Variants in MGAM observed in about 807,000 individuals in gnomAD.
MGAM encodes maltase-glucoamylase, also known as alpha-1,4-glucosidase.
Under a neutral mutation model 358.8 loss-of-function variants are expected in MGAM, and 253 were observed. The observed-to-expected ratio is 0.71, with a 90% CI of 0.64 to 0.78. MGAM has a LOEUF of 0.78. Ranked by LOEUF, MGAM falls within the 30% of genes least tolerant of loss-of-function variation. MGAM has a pLI of 0.00. For synonymous variants in MGAM, 1,105 were observed against 1,227.1 expected, an observed-to-expected ratio of 0.90 and a Z score of 2.08; for missense variants, 3,080 against 3,432.6, an observed-to-expected ratio of 0.90 and a Z score of 2.57.
chr7:142,060,245 T>C (rs966871214), intron 33 of MGAM, 66 bp from the exon 34 acceptor site: 1 of 1,583,010 alleles, frequency 6.3e-7, no homozygotes, highest in African/African-American at 1.3e-5. Flanking sequence ...TATAACAATT[T>C]ATTAGGAAAT....
intron 36 of MGAM, among the ~76,000 whole-genome samples, chr7:142,064,106 G>GC (rs1363276371): frequency 6.6e-6 from 1 of 152,260 alleles, no homozygotes; most frequent in South Asian, 2.1e-4. Flanking sequence ...GAAATAATTG[G>GC]AAGTCAAAAG....
rs1554458818 is a variant in MGAM, at chr7:142,021,576, C to T, written c.559-10C>T. On this transcript the variant is annotated splice_polypyrimidine_tract_variant and intron_variant, in intron 5 of 70. Transcript: ENST00000475668. ...ATTTTGGCTTTCCTTCTATTTCTAT[C>T]TCTGCACAGTTGACTGACCAAACCA... is the stretch of plus-strand genomic sequence containing the variant. 2 of 1,613,302 alleles carry T rather than the reference C, an allele frequency of 1.2e-6. No homozygotes were observed. Among genetic ancestry groups the T allele is most frequent in the Middle Eastern group, 1.7e-4 (1 of 6,054 alleles).
intron 8 of MGAM, among the ~76,000 whole-genome samples, chr7:142,026,550 A>G (rs1397542768): frequency 1.3e-5 from 2 of 152,206 alleles, no homozygotes; most frequent in South Asian, 2.1e-4. Flanking sequence ...GAATGGGGAA[A>G]GACACTTAGG....
intron 56 of MGAM, 36 bp downstream of exon 56, chr7:142,086,364 C>A: frequency 6.9e-7 from 1 of 1,452,418 alleles, no homozygotes; most frequent in East Asian, 2.4e-5. Context: ...AGTCCCTAGC[C>A]TGAGGGTGGG....
rs183981835 is a variant in MGAM at position 142,054,956 on chromosome 7, C to T, written c.3314+48C>T. On this transcript the variant is annotated intron_variant, in intron 27 of 70. Transcript: ENST00000475668. ...CAGAGTTGATGGCTACCTGCGCCTT[C>T]GCTGCCAGGTCCATTGTCCTTGGAT... 1.9e-4 allele frequency: 301 copies of T among 1,588,958 alleles called. No individual in the cohort carries two copies. In the Admixed American group the frequency reaches 3.3e-3, roughly 17 times the overall value.
chr7:142,032,906 C>T lies in MGAM; in HGVS notation c.1666C>T (p.Pro556Ser), dbSNP rs1554464349. The T allele has an allele frequency of 6.2e-7, 1 of 1,602,404 alleles. No individual in the cohort carries two copies. The highest frequency in any genetic ancestry group is 1.7e-5 in the Admixed American group (1 of 59,588). Residue 556 changes from proline to serine, a missense_variant, in exon 14 of 71, where the codon CCC (proline) becomes TCC (serine). This residue lies in a region of MGAM where 1,816 missense variants were observed against 1,840.5 expected (regional missense o/e 0.99). Transcript: ENST00000475668. ...TNNLNNPPFT[P>S]RILDGYLFCK... is the part of the protein sequence containing the mutation. ...CAACCTAAATAATCCCCCATTCACT[C>T]CCAGTAAGTCTTGGTGGTCAGCAGA...
At chr7:142,009,147 C>T (rs1262621717) in intron 3 of MGAM, among the ~76,000 whole-genome samples, 2 of 152,068 alleles carry the variant, frequency 1.3e-5, no homozygotes, top group Non-Finnish European at 2.9e-5. Flanking sequence ...CTAGAATCTG[C>T]AGTAAAAATT....
upstream of MGAM, among the ~76,000 whole-genome samples, chr7:141,991,307 G>A (rs1554447267): frequency 6.6e-6 from 1 of 152,180 alleles, no homozygotes; most frequent in Non-Finnish European, 1.5e-5. Flanking sequence ...ATGGAATTGT[G>A]TGGAGGAAGT....
chr7:142,076,858 G>A, intron 47 of MGAM, 32 bp downstream of exon 47: 1 of 1,535,676 alleles, frequency 6.5e-7, no homozygotes, highest in Non-Finnish European at 9.0e-7. Context: ...ATGGTACATT[G>A]AGAATTCTCC....
chr7:142,031,269 A>G (rs962653155), intron 12 of MGAM, among the ~76,000 whole-genome samples: 23 of 152,146 alleles, frequency 1.5e-4, no homozygotes, highest in African/African-American at 4.6e-4. Context: ...TTTTCAGAGT[A>G]TAGTGTCTGG....
intron 69 of MGAM, 88 bp downstream of exon 69, chr7:142,102,767 A>AT (rs1169750322): frequency 8.1e-7 from 1 of 1,230,066 alleles, no homozygotes; most frequent in African/African-American, 1.5e-5. Flanking sequence ...ACCACCTAGA[A>AT]TTTCTTCATT....
chr7:142,086,772 G>A lies in MGAM; in HGVS notation c.6810+55G>A, dbSNP rs1814798880. The A allele has an allele frequency of 1.0e-5, 9 of 876,186 alleles. 2 individuals are homozygous for A. Among genetic ancestry groups the A allele is most frequent in the East Asian group, 3.1e-5 (1 of 32,634 alleles). The allele number at this position is 876,186 out of a possible 1,614,324, so 54.3% of individuals were successfully genotyped here. On this transcript the variant is annotated intron_variant, in intron 57 of 70. Coordinates refer to ENST00000475668, the MANE Select transcript of MGAM (RefSeq NM_001365693.1). Reference sequence around the variant, plus strand: ...TCAGGGTTTCTAGGAAGGGGCAGCCGTTCCTGGGAATGTGGACATGCCTGT... The same window carrying A: ...TCAGGGTTTCTAGGAAGGGGCAGCCATTCCTGGGAATGTGGACATGCCTGT...
At chr7:142,093,056 A>G (rs1446130479) in intron 59 of MGAM, among the ~76,000 whole-genome samples, 2 of 146,498 alleles carry the variant, frequency 1.4e-5, no homozygotes, top group African/African-American at 4.9e-5. Context: ...AGATTATGCG[A>G]TATGTCCAAA....
chr7:142,097,881 C>T (rs1288646038), intron 66 of MGAM, among the ~76,000 whole-genome samples: 2 of 152,088 alleles, frequency 1.3e-5, no homozygotes, highest in South Asian at 2.1e-4. Flanking sequence ...TCAGGTTTTT[C>T]GTGGGTGTTC....
At chr7:142,001,592 G>A (rs1584895035) in intron 1 of MGAM, among the ~76,000 whole-genome samples, 1 of 152,166 alleles carries the variant, frequency 6.6e-6, no homozygotes. Flanking sequence ...CCTTGTATAG[G>A]CAAGACTGTA....
rs199508271 is a variant in MGAM at position 142,065,384 on chromosome 7, A to C, written c.4534A>C (p.Thr1512Pro). The C allele has an allele frequency of 2.3e-4, 373 of 1,611,292 alleles. 1 individual carries two copies. The highest frequency in any genetic ancestry group is 3.0e-4 in the Non-Finnish European group (348 of 1,178,824). The change falls in exon 38 of 71, where the codon ACA (threonine) becomes CCA (proline). Residue 1512 changes from threonine (T) to proline (P), a missense_variant. By Grantham distance (38) the Thr-to-Pro change is conservative. Coordinates refer to ENST00000475668, the MANE Select transcript of MGAM (RefSeq NM_001365693.1). Reference sequence around the variant, plus strand: ...GCGAGGGGTCGTCATCACCCGCTCCACATTTCCCTCTTCTGGCCGCTGGGC... The same window carrying C: ...GCGAGGGGTCGTCATCACCCGCTCCCCATTTCCCTCTTCTGGCCGCTGGGC... ...GQRGVVITRS[T>P]FPSSGRWAGH...
intron 3 of MGAM, 120 bp downstream of exon 3, chr7:142,008,825 A>C (rs1465093): frequency 0.5 from 531,060 of 1,066,642 alleles, 134,368 homozygotes; most frequent in East Asian, 0.65. Context: ...TTTATGTTGC[A>C]GCCATTAGTG....
intron 43 of MGAM, among the ~76,000 whole-genome samples, chr7:142,069,715 A>C (rs1243960666): frequency 2.1e-5 from 3 of 145,534 alleles, no homozygotes; most frequent in Non-Finnish European, 3.1e-5. Context: ...TTAGGGTGGT[A>C]ACATGTTAAG....
At chr7:142,005,508 T>A in intron 1 of MGAM, 21 bp from the exon 2 acceptor site, 1 of 1,473,276 alleles carries the variant, frequency 6.8e-7, no homozygotes, top group Non-Finnish European at 9.1e-7. Context: ...AAATCTAAAA[T>A]TGTTTTCTCT....
Sources: allele counts gnomAD v4.1 joint callset (sites outside exome capture counted in the v4.1 genomes callset), GRCh38; gene constraint gnomAD v4.1.1; regional missense constraint gnomAD v4.1.1; transcripts MANE v1.5; gene names NCBI Gene and HGNC (gene_info 2026-07-23, HGNC 2026-07-21).